The following BABAM2 variants were observed in gnomAD, a reference collection of about 807,000 sequenced individuals.
BABAM2 encodes BRISC and BRCA1-A complex member 2.
A neutral mutation model predicts 54.7 loss-of-function variants in BABAM2; 31 were observed. That is an observed-to-expected ratio of 0.57 (90% CI 0.43 to 0.77). The LOEUF (loss-of-function observed/expected upper bound fraction) is 0.77, where lower values mean the gene tolerates loss of function less well. Among genes scored for constraint, BABAM2 ranks in the 30% least tolerant of loss-of-function variants. The probability of loss-of-function intolerance (pLI) is 0.00; values close to 1 mark genes in which losing one functional copy is unlikely to be tolerated. For synonymous variants in BABAM2, 167 were observed against 162.9 expected, an observed-to-expected ratio of 1.03 and a Z score of -0.19; for missense variants, 364 against 455.8, an observed-to-expected ratio of 0.80 and a Z score of 1.83.
chr2:28,315,660 T>TA (rs1160924979), intron 11 of BABAM2, among the ~76,000 whole-genome samples: 5 of 148,394 alleles, frequency 3.4e-5, no homozygotes, highest in South Asian at 2.1e-4. Flanking sequence ...TTTATTTATT[T>TA]TTTATTTTTT....
At chr2:27,890,330 C>T (rs1453732486), upstream of BABAM2, 1 of 1,613,550 alleles carries the variant, frequency 6.2e-7, no homozygotes, top group Non-Finnish European at 8.5e-7. The surrounding 1 kb of genome is among the most constrained non-coding windows in gnomAD (Gnocchi z 4.8). Flanking sequence ...CTCTGGGGTT[C>T]CCCAGACGCC....
At chr2:28,111,662 CTTTTT>C (rs1308039752) in intron 6 of BABAM2, among the ~76,000 whole-genome samples, 1 of 152,072 alleles carries the variant, frequency 6.6e-6, no homozygotes, top group African/African-American at 2.4e-5. Flanking sequence ...CTTTTCAGTT[CTTTTT>C]TTCATCTTTG....
chr2:28,066,688 C>T (rs2148651409), intron 6 of BABAM2, among the ~76,000 whole-genome samples: 1 of 152,320 alleles, frequency 6.6e-6, no homozygotes, highest in East Asian at 1.9e-4. Context: ...TGCCTCATCA[C>T]ATCGGCTTCT....
chr2:28,297,855 C>G (rs534598844), intron 10 of BABAM2, among the ~76,000 whole-genome samples: 19 of 152,284 alleles, frequency 1.2e-4, no homozygotes, highest in African/African-American at 4.6e-4. Flanking sequence ...CAAATGCATT[C>G]TTGAAAAACA....
intron 6 of BABAM2, among the ~76,000 whole-genome samples, chr2:28,050,970 A>C (rs1677954302): frequency 6.6e-6 from 1 of 152,194 alleles, no homozygotes; most frequent in Non-Finnish European, 1.5e-5. Flanking sequence ...CAGGAAAAAA[A>C]GTTGGAAAGA....
At chr2:28,082,198 A>G (rs953302000) in intron 6 of BABAM2, among the ~76,000 whole-genome samples, 2 of 152,196 alleles carry the variant, frequency 1.3e-5, no homozygotes, top group Admixed American at 1.3e-4. Context: ...TTTCAGCGTG[A>G]TATATTTTTC....
chr2:28,168,239 G>A (rs1281730369), intron 7 of BABAM2, among the ~76,000 whole-genome samples: 1 of 152,138 alleles, frequency 6.6e-6, no homozygotes, highest in Non-Finnish European at 1.5e-5. Flanking sequence ...TGCCTGTGTC[G>A]AATGCATAAA....
At chr2:27,981,559 A>C (rs1295325675) in intron 3 of BABAM2, among the ~76,000 whole-genome samples, 1 of 152,128 alleles carries the variant, frequency 6.6e-6, no homozygotes, top group Admixed American at 6.6e-5. Flanking sequence ...TTCTGTCTCT[A>C]TGAATTTTCA....
At chr2:28,198,821 A>G (rs1677924482) in intron 7 of BABAM2, among the ~76,000 whole-genome samples, 1 of 152,192 alleles carries the variant, frequency 6.6e-6, no homozygotes, top group Non-Finnish European at 1.5e-5. Flanking sequence ...GGGAGGGGAA[A>G]ATAAAAAGGA....
intron 7 of BABAM2, among the ~76,000 whole-genome samples, chr2:28,177,153 CAAGAG>C (rs1479864187): frequency 2.0e-5 from 3 of 151,710 alleles, no homozygotes; most frequent in Non-Finnish European, 4.4e-5. Flanking sequence ...CTACAAACAG[CAAGAG>C]AAAAGTGTCT....
At chr2:28,048,733 C>T (rs542980585) in intron 6 of BABAM2, among the ~76,000 whole-genome samples, 4 of 152,248 alleles carry the variant, frequency 2.6e-5, no homozygotes, top group South Asian at 2.1e-4. Context: ...GGGGAGAAAT[C>T]GTGGTCCCCA....
intron 7 of BABAM2, among the ~76,000 whole-genome samples, chr2:28,194,021 G>T (rs1186268384): frequency 3.3e-5 from 5 of 152,132 alleles, no homozygotes; most frequent in Non-Finnish European, 7.4e-5. Flanking sequence ...AAATTTGGGG[G>T]GTCAGGGGAA....
At chr2:27,902,154 A>G (rs1161815022) in intron 2 of BABAM2, among the ~76,000 whole-genome samples, 1 of 152,214 alleles carries the variant, frequency 6.6e-6, no homozygotes, top group Non-Finnish European at 1.5e-5. Flanking sequence ...CATGTGCACA[A>G]GAAAATATGT....
chr2:28,141,187 A>C (rs1240860267), intron 7 of BABAM2, among the ~76,000 whole-genome samples: 2 of 152,162 alleles, frequency 1.3e-5, no homozygotes, highest in African/African-American at 4.8e-5. Flanking sequence ...GGTTCATAAC[A>C]TACACATATA....
chr2:27,998,802 G>A (rs138029317), intron 4 of BABAM2, among the ~76,000 whole-genome samples: 1 of 152,294 alleles, frequency 6.6e-6, no homozygotes, highest in East Asian at 1.9e-4. Context: ...ACTACTGTCT[G>A]TGAACAAGGC....
intron 11 of BABAM2, chr2:28,310,234 A>G (rs1398711512): frequency 7.3e-7 from 1 of 1,364,654 alleles, no homozygotes. Flanking sequence ...CCTGGCCATC[A>G]ATTACTGCCA....
intron 6 of BABAM2, among the ~76,000 whole-genome samples, chr2:28,115,895 A>C (rs544123976): frequency 6.6e-6 from 1 of 152,040 alleles, no homozygotes; most frequent in East Asian, 1.9e-4. Flanking sequence ...TGGGTGGATC[A>C]CCTGAGGTCG....
chr2:27,890,454 G>A (rs1268255941), upstream of BABAM2: 7 of 1,067,706 alleles, frequency 6.6e-6, no homozygotes, highest in African/African-American at 1.6e-5. The surrounding 1 kb of genome is among the most constrained non-coding windows in gnomAD (Gnocchi z 4.8). Flanking sequence ...CCTTTCAGAC[G>A]CCTACGCGGG....
At chr2:28,166,883 A>G (rs1229155307) in intron 7 of BABAM2, among the ~76,000 whole-genome samples, 4 of 152,140 alleles carry the variant, frequency 2.6e-5, no homozygotes, top group Admixed American at 2.6e-4. Flanking sequence ...ATTTCATGCC[A>G]TGACCCTGAT....
Sources: allele counts gnomAD v4.1 joint callset (sites outside exome capture counted in the v4.1 genomes callset), GRCh38; gene constraint gnomAD v4.1.1; non-coding constraint Gnocchi (gnomAD v3.1); transcripts MANE v1.5; gene names NCBI Gene and HGNC (gene_info 2026-07-23, HGNC 2026-07-21).